The following RASGRP3 variants were observed in gnomAD, a reference collection of about 807,000 sequenced individuals.
RASGRP3 encodes the protein ras guanyl-releasing protein 3.
RASGRP3 carries 54 observed loss-of-function variants against 82.7 expected under a neutral mutation model. The ratio of observed to expected loss-of-function variants is 0.65; its 90% CI spans 0.52 to 0.82. The LOEUF (loss-of-function observed/expected upper bound fraction) is 0.82, where lower values mean the gene tolerates loss of function less well. Among genes scored for constraint, RASGRP3 ranks in the 40% least tolerant of loss-of-function variants. RASGRP3 has a pLI of 0.00. For missense variants in RASGRP3, 861 were observed against 828.9 expected, an observed-to-expected ratio of 1.04 and a Z score of -0.48; for synonymous variants, 309 against 300.5, an observed-to-expected ratio of 1.03 and a Z score of -0.29.
chr2:33,465,241 C>T (rs539291194), intron 2 of RASGRP3, among the ~76,000 whole-genome samples: 2 of 152,300 alleles, frequency 1.3e-5, no homozygotes, highest in South Asian at 4.1e-4. Flanking sequence ...CAGATCAAAC[C>T]AGCCACAATA....
chr2:33,475,287 T>TG (rs1385183513), upstream of RASGRP3, among the ~76,000 whole-genome samples: 1 of 152,262 alleles, frequency 6.6e-6, no homozygotes, highest in Admixed American at 6.5e-5. Flanking sequence ...ATTACTGCCC[T>TG]GATAGTATGG....
intron 16 of RASGRP3, 120 bp from the exon 17 acceptor site, chr2:33,558,552 C>G (rs1375180308): frequency 8.9e-7 from 1 of 1,125,384 alleles, no homozygotes; most frequent in East Asian, 2.5e-5. Flanking sequence ...TAATTGAGTT[C>G]TGTCCCTTGT....
In RASGRP3 at chr2:33,524,531, T is replaced by C; in HGVS notation, c.790T>C (p.Ser264Pro). ...CCTCAAAGAGACCCATTCTCATCTT[T>C]CTTCAGAAGTTACAAAGGTATAGTA... ...SRLKETHSHL[S>P]SEVTKNWNEM... is the part of the protein sequence containing the mutation. Residue 264 changes from serine to proline, a missense_variant, in exon 9 of 18, where the codon TCT becomes CCT. Physicochemically the swap from Ser to Pro is moderately conservative, Grantham distance 74 (BLOSUM62 -1). Coordinates refer to ENST00000403687, the MANE Select transcript of RASGRP3 (RefSeq NM_001139488.2). 3.1e-6 allele frequency: 5 copies of C among 1,593,198 alleles called. No homozygotes were observed. The highest frequency in any genetic ancestry group is 1.1e-5 in the South Asian group (1 of 87,400).
At chr2:33,490,240 A>G (rs1328489646) in intron 1 of RASGRP3, among the ~76,000 whole-genome samples, 2 of 152,148 alleles carry the variant, frequency 1.3e-5, no homozygotes. Flanking sequence ...CTCATCTTTT[A>G]AAAATATCCT....
At chr2:33,515,700 C>T (rs1025604622) in intron 3 of RASGRP3, among the ~76,000 whole-genome samples, 1 of 152,210 alleles carries the variant, frequency 6.6e-6, no homozygotes, top group Non-Finnish European at 1.5e-5. Flanking sequence ...CATTCATACA[C>T]GTCATATCTG....
intron 2 of RASGRP3, chr2:33,457,898 T>C (rs976081285): frequency 5.3e-5 from 8 of 152,224 alleles, no homozygotes; most frequent in African/African-American, 1.9e-4. Context: ...CTGAGAATTT[T>C]CAGCAAATAG....
chr2:33,490,880 T>A (rs1325394814), intron 1 of RASGRP3, among the ~76,000 whole-genome samples: 1 of 152,216 alleles, frequency 6.6e-6, no homozygotes, highest in Non-Finnish European at 1.5e-5. Context: ...GGCCCTGGCA[T>A]AATGTCTGGA....
chr2:33,539,203 T>G lies in RASGRP3; in HGVS notation c.1271T>G (p.Leu424Ter), dbSNP rs368466918. The G allele has an allele frequency of 8.7e-6, 14 of 1,602,128 alleles. No individual in the cohort carries two copies. The highest frequency in any genetic ancestry group is 1.2e-5 in the Non-Finnish European group (14 of 1,173,498). The change falls in exon 12 of 18, where the codon TTA becomes TGA. Residue 424 changes from leucine to a stop codon, truncating the protein, a stop_gained. Transcript: ENST00000403687. LOFTEE classifies it high-confidence loss of function. Reference protein sequence around the residue: ...PTVINKHIRKLVESVFRNYDH... With the variant: ...PTVINKHIRK ...GTCATCAACAAGCACATAAGGAAAT[T>G]AGTGGAGGTAAGTGGTTGAGGGAGA...
At chr2:33,561,827 T>G (rs1345339535) in intron 17 of RASGRP3, among the ~76,000 whole-genome samples, 1 of 152,180 alleles carries the variant, frequency 6.6e-6, no homozygotes, top group Admixed American at 6.5e-5. Flanking sequence ...ACATTTTCTG[T>G]GGCAGTGTAT....
chr2:33,471,785 T>C (rs1476769652), upstream of RASGRP3, among the ~76,000 whole-genome samples: 1 of 152,222 alleles, frequency 6.6e-6, no homozygotes, highest in Non-Finnish European at 1.5e-5. Flanking sequence ...AGTTTGCTTC[T>C]AATTATTATT....
At chr2:33,558,049 C>T (rs957721901) in intron 15 of RASGRP3, among the ~76,000 whole-genome samples, 162 bp from the exon 16 acceptor site, 1 of 152,006 alleles carries the variant, frequency 6.6e-6, no homozygotes, top group Non-Finnish European at 1.5e-5. Context: ...CCAATGGCCT[C>T]TTTCCAGATC....
At chr2:33,450,513 A>G (rs1415590254) in intron 2 of RASGRP3, among the ~76,000 whole-genome samples, 1 of 152,154 alleles carries the variant, frequency 6.6e-6, no homozygotes, top group Non-Finnish European at 1.5e-5. Flanking sequence ...ACTTAGCATA[A>G]TAGTCTCCAG....
chr2:33,465,455 T>G (rs1240716329), intron 2 of RASGRP3, among the ~76,000 whole-genome samples: 1 of 152,170 alleles, frequency 6.6e-6, no homozygotes, highest in Non-Finnish European at 1.5e-5. Context: ...CCCAAGAGTT[T>G]GAGGCTACAG....
intron 1 of RASGRP3, among the ~76,000 whole-genome samples, chr2:33,443,616 C>T (rs922398632): frequency 3.3e-5 from 5 of 149,636 alleles, no homozygotes; most frequent in Non-Finnish European, 7.4e-5. Context: ...TGTAGAAATA[C>T]ATACCTGTAA....
intron 1 of RASGRP3, among the ~76,000 whole-genome samples, chr2:33,479,510 A>C (rs1667692692): frequency 6.6e-6 from 1 of 152,120 alleles, no homozygotes; most frequent in African/African-American, 2.4e-5. Context: ...TTGTCCGAGT[A>C]GGTTGTTGAT....
intron 11 of RASGRP3, 50 bp downstream of exon 11, chr2:33,534,450 C>A: frequency 7.9e-7 from 1 of 1,265,402 alleles, no homozygotes. Flanking sequence ...TATTTTTTGT[C>A]ATGTACAGTA....
chr2:33,547,868 C>A (rs1272940125), intron 13 of RASGRP3, among the ~76,000 whole-genome samples: 1 of 151,954 alleles, frequency 6.6e-6, no homozygotes, highest in Non-Finnish European at 1.5e-5. Context: ...GGGTGGCATG[C>A]AATTCCAGGG....
At chr2:33,529,356 G>A (rs925765514) in intron 10 of RASGRP3, among the ~76,000 whole-genome samples, 7 of 151,654 alleles carry the variant, frequency 4.6e-5, no homozygotes, top group East Asian at 1.9e-4. Context: ...TTAGCTTGGC[G>A]TGGTGGCAGG....
chr2:33,519,715 A>C (rs1196619849), intron 4 of RASGRP3, among the ~76,000 whole-genome samples: 3 of 152,212 alleles, frequency 2.0e-5, no homozygotes, highest in African/African-American at 7.2e-5. Context: ...AGGAAGGCAA[A>C]ACTAATCCTG....
Sources: gnomAD v4.1 joint callset for allele counts (sites outside exome capture counted in the v4.1 genomes callset) on GRCh38, gnomAD v4.1.1 for gene constraint, MANE v1.5 for transcripts, NCBI Gene and HGNC (gene_info 2026-07-23, HGNC 2026-07-21) for gene names.